STARD13: variants seen among roughly 807,000 people sequenced by gnomAD.
STARD13 encodes StAR related lipid transfer domain containing 13.
A neutral mutation model predicts 106.4 loss-of-function variants in STARD13; 62 were observed. The observed-to-expected ratio is 0.58, with a 90% CI of 0.48 to 0.72. The LOEUF is 0.72. STARD13 is among the 30% of genes least tolerant of loss of function. The pLI is 0.00. For synonymous variants in STARD13, 565 were observed against 553.0 expected (o/e 1.02, Z -0.31); for missense variants, 1,387 against 1,424.0 (o/e 0.97, Z 0.42).
At chr13:33,268,787 C>T (rs4941748) in intron 1 of STARD13, among the ~76,000 whole-genome samples, 26,201 of 152,166 alleles carry the variant, frequency 0.17, 2,455 homozygotes, top group Non-Finnish European at 0.21. Context: ...AATCAAGGAT[C>T]TGAAGTCTTA....
At chr13:33,273,468 C>A (rs1446451102) in intron 1 of STARD13, among the ~76,000 whole-genome samples, 1 of 152,146 alleles carries the variant, frequency 6.6e-6, no homozygotes, top group Non-Finnish European at 1.5e-5. Flanking sequence ...TAGAGGGGGA[C>A]TTAAGAGTAT....
chr13:33,222,647 A>T (rs577714502), intron 1 of STARD13, among the ~76,000 whole-genome samples: 3 of 152,148 alleles, frequency 2.0e-5, no homozygotes, highest in African/African-American at 7.2e-5. Flanking sequence ...TACGACACAC[A>T]TCATGTCTAC....
intron 1 of STARD13, among the ~76,000 whole-genome samples, chr13:33,314,328 G>T (rs762499014): frequency 6.6e-6 from 1 of 152,294 alleles, no homozygotes; most frequent in African/African-American, 2.4e-5. Context: ...AAGGGCAACA[G>T]ACAAAGCAGG....
chr13:33,563,425 C>T, the STARD13 span, among the ~76,000 whole-genome samples: 22 of 146,880 alleles, frequency 1.5e-4, 4 homozygotes, highest in Non-Finnish European at 2.2e-4. Context: ...TATAAATCCA[C>T]GCATTTAGAG....
intron 1 of STARD13, among the ~76,000 whole-genome samples, chr13:33,311,130 A>T (rs1281474007): frequency 2.6e-5 from 3 of 116,280 alleles, no homozygotes; most frequent in South Asian, 5.1e-4. Context: ...ACCATTTCTT[A>T]AAAAAAAAAA....
chr13:33,455,528 T>C, the STARD13 span, among the ~76,000 whole-genome samples: 93 of 152,298 alleles, frequency 6.1e-4, no homozygotes, highest in Non-Finnish European at 9.6e-4. Flanking sequence ...TGAATCAAAC[T>C]GCCTTCTAGA....
the STARD13 span, among the ~76,000 whole-genome samples, chr13:33,542,857 G>C: frequency 6.6e-6 from 1 of 152,212 alleles, no homozygotes; most frequent in African/African-American, 2.4e-5. Flanking sequence ...CCCGCCACCC[G>C]CGGAGGTGGC....
intron 1 of STARD13, among the ~76,000 whole-genome samples, chr13:33,174,393 C>A (rs1255921526): frequency 6.6e-6 from 1 of 152,072 alleles, no homozygotes; most frequent in African/African-American, 2.4e-5. Flanking sequence ...AGGAGGCATA[C>A]CCTTCCCACC....
intron 1 of STARD13, among the ~76,000 whole-genome samples, chr13:33,261,614 C>T (rs1317185331): frequency 1.3e-5 from 2 of 152,172 alleles, no homozygotes; most frequent in African/African-American, 2.4e-5. Flanking sequence ...CATTTATATG[C>T]TGACCCCATA....
At chr13:33,490,163 G>T in the STARD13 span, among the ~76,000 whole-genome samples, 1 of 151,984 alleles carries the variant, frequency 6.6e-6, no homozygotes, top group Non-Finnish European at 1.5e-5. Context: ...TTTTTTATGT[G>T]TTTTAAGGAA....
chr13:33,220,916 A>T (rs1441286919), intron 1 of STARD13, among the ~76,000 whole-genome samples: 1 of 152,216 alleles, frequency 6.6e-6, no homozygotes, highest in Non-Finnish European at 1.5e-5. Flanking sequence ...AACTGCAAGA[A>T]CAGATGAGAG....
chr13:33,502,996 T>C, the STARD13 span, among the ~76,000 whole-genome samples: 47 of 152,242 alleles, frequency 3.1e-4, no homozygotes, highest in Admixed American at 4.6e-4. Context: ...AATTCGGCTA[T>C]GAATCCGTCT....
At chr13:33,590,717 G>A in the STARD13 span, among the ~76,000 whole-genome samples, 1 of 103,850 alleles carries the variant, frequency 9.6e-6, no homozygotes. Context: ...GGGGAGGGGG[G>A]AGGGGGGAGG....
At chr13:33,631,862 T>A in the STARD13 span, among the ~76,000 whole-genome samples, 1 of 152,210 alleles carries the variant, frequency 6.6e-6, no homozygotes, top group East Asian at 1.9e-4. Flanking sequence ...TAATTTGCGT[T>A]AAAAATTTTG....
At chr13:33,443,105 G>T in the STARD13 span, among the ~76,000 whole-genome samples, 1 of 152,056 alleles carries the variant, frequency 6.6e-6, no homozygotes, top group Non-Finnish European at 1.5e-5. Context: ...TGGGCTGGGC[G>T]CAGTGGCTCA....
chr13:33,167,744 G>A, intron 1 of STARD13, 122 bp from the exon 2 acceptor site: 1 of 984,088 alleles, frequency 1.0e-6, no homozygotes, highest in Non-Finnish European at 1.6e-6. Context: ...ATTGTTCCAG[G>A]TAAGTCTGCA....
intron 3 of STARD13, among the ~76,000 whole-genome samples, chr13:33,163,712 C>CATAT (rs553805990): frequency 9.3e-4 from 58 of 62,300 alleles, no homozygotes; most frequent in South Asian, 3.2e-3. Flanking sequence ...ATATATAAAA[C>CATAT]ATATATATAA....
the STARD13 span, among the ~76,000 whole-genome samples, chr13:33,607,042 ACCTAGCATTTCACAGTT>A: frequency 1.3e-5 from 2 of 150,128 alleles, no homozygotes; most frequent in East Asian, 3.9e-4. Flanking sequence ...TTGTCACGTG[ACCTAGCATTTCACAGTT>A]CCCAGGGATT....
At chr13:33,307,040 CA>C (rs886617018) in intron 1 of STARD13, among the ~76,000 whole-genome samples, 1 of 151,892 alleles carries the variant, frequency 6.6e-6, no homozygotes, top group African/African-American at 2.4e-5. Context: ...ATGCTGCCAG[CA>C]AACATATGAA....
Sources: gnomAD v4.1 joint callset for allele counts (sites outside exome capture counted in the v4.1 genomes callset) on GRCh38, gnomAD v4.1.1 for gene constraint, MANE v1.5 for transcripts, NCBI Gene and HGNC (gene_info 2026-07-23, HGNC 2026-07-21) for gene names.